RANBP2: variants seen among roughly 807,000 people sequenced by gnomAD.
RANBP2 encodes the protein E3 SUMO-protein ligase RanBP2.
A neutral mutation model predicts 303.6 loss-of-function variants in RANBP2; 57 were observed. That is an observed-to-expected ratio of 0.19 (90% CI 0.15 to 0.23). RANBP2 has a LOEUF of 0.23. Ranked by LOEUF, RANBP2 falls within the 10% of genes least tolerant of loss-of-function variation. RANBP2 has a pLI of 1.00. For synonymous variants in RANBP2, 1,167 were observed against 1,301.5 expected, an observed-to-expected ratio of 0.90 and a Z score of 2.23; for missense variants, 3,138 against 3,780.8, an observed-to-expected ratio of 0.83 and a Z score of 4.46.
chr2:109,004,380 C>A, the RANBP2 span, among the ~76,000 whole-genome samples: 1 of 152,240 alleles, frequency 6.6e-6, no homozygotes. Context: ...GCATCAGCAA[C>A]ACTCAAAAGT....
At chr2:109,600,931 TAA>T in the RANBP2 span, among the ~76,000 whole-genome samples, 6 of 152,344 alleles carry the variant, frequency 3.9e-5, no homozygotes, top group East Asian at 9.6e-4. Context: ...AACAGCCAGA[TAA>T]AGAGATACAA....
chr2:109,576,139 T>C, the RANBP2 span, among the ~76,000 whole-genome samples: 1 of 152,152 alleles, frequency 6.6e-6, no homozygotes, highest in African/African-American at 2.4e-5. Context: ...GAGGTGCCTA[T>C]AGTCCTAGCT....
chr2:108,812,755 A>AT, the RANBP2 span: 1 of 1,610,364 alleles, frequency 6.2e-7, no homozygotes, highest in Non-Finnish European at 8.5e-7. Context: ...TTTTTAGATG[A>AT]TTACCTTTGA....
At chr2:109,275,008 AC>A in the RANBP2 span, among the ~76,000 whole-genome samples, 2 of 152,352 alleles carry the variant, frequency 1.3e-5, no homozygotes, top group African/African-American at 2.4e-5. Context: ...AGTTCTAAGC[AC>A]CATTTATACT....
chr2:109,473,388 C>T, the RANBP2 span, among the ~76,000 whole-genome samples: 1 of 152,116 alleles, frequency 6.6e-6, no homozygotes, highest in South Asian at 2.1e-4. Flanking sequence ...TGCTCTGAGG[C>T]CCCCATCAGC....
the RANBP2 span, among the ~76,000 whole-genome samples, chr2:109,431,835 CACTCCAGCCTGGGT>C: frequency 1.2e-4 from 18 of 152,156 alleles, 1 homozygote; most frequent in South Asian, 3.7e-3. Context: ...TGTACCACTG[CACTCCAGCCTGGGT>C]GACAGGGTGA....
the RANBP2 span, among the ~76,000 whole-genome samples, chr2:109,083,960 G>A: frequency 6.6e-6 from 1 of 152,162 alleles, no homozygotes; most frequent in Non-Finnish European, 1.5e-5. Context: ...CTGCCAGCAT[G>A]AGTGGTCTCC....
chr2:109,614,447 C>G, the RANBP2 span: 2 of 1,194,772 alleles, frequency 1.7e-6, no homozygotes, highest in Non-Finnish European at 2.1e-6. Context: ...CGCTATGGGA[C>G]CGCGCTGAGC....
At chr2:109,081,286 T>C in the RANBP2 span, among the ~76,000 whole-genome samples, 1 of 152,202 alleles carries the variant, frequency 6.6e-6, no homozygotes, top group Non-Finnish European at 1.5e-5. Flanking sequence ...CTGTTTTCTA[T>C]TGATCGAATT....
the RANBP2 span, among the ~76,000 whole-genome samples, chr2:109,727,715 G>C: frequency 5.3e-5 from 8 of 152,258 alleles, no homozygotes; most frequent in African/African-American, 1.9e-4. Context: ...CTAACTGAAG[G>C]CTTAGTTTTT....
the RANBP2 span, among the ~76,000 whole-genome samples, chr2:109,438,587 G>A: frequency 6.6e-6 from 1 of 152,150 alleles, no homozygotes; most frequent in Non-Finnish European, 1.5e-5. Flanking sequence ...AATGATTCTT[G>A]GTTTTCACAC....
chr2:109,491,850 C>T, the RANBP2 span, among the ~76,000 whole-genome samples: 2 of 152,164 alleles, frequency 1.3e-5, no homozygotes, highest in African/African-American at 4.8e-5. Flanking sequence ...CTCCCTTGGC[C>T]GTTCGGGTGC....
chr2:109,148,144 A>G, the RANBP2 span, among the ~76,000 whole-genome samples: 1 of 152,158 alleles, frequency 6.6e-6, no homozygotes, highest in African/African-American at 2.4e-5. Context: ...GGTCTCATGC[A>G]CCCAGTATGC....
At chr2:109,163,366 A>G in the RANBP2 span, among the ~76,000 whole-genome samples, 1 of 150,280 alleles carries the variant, frequency 6.7e-6, no homozygotes, top group Non-Finnish European at 1.5e-5. Flanking sequence ...GGAGTTCTCA[A>G]TAGATTAACC....
At chr2:108,821,160 C>A in the RANBP2 span, among the ~76,000 whole-genome samples, 1 of 152,092 alleles carries the variant, frequency 6.6e-6, no homozygotes, top group Non-Finnish European at 1.5e-5. Context: ...GAGTTTGAGA[C>A]CAGCCTGGCC....
the RANBP2 span, among the ~76,000 whole-genome samples, chr2:109,138,012 G>C: frequency 6.2e-4 from 94 of 152,162 alleles, no homozygotes; most frequent in African/African-American, 2.1e-3. Context: ...CATTTATTTC[G>C]CAGATCAAAA....
At chr2:108,829,083 T>G in the RANBP2 span, among the ~76,000 whole-genome samples, 2 of 152,162 alleles carry the variant, frequency 1.3e-5, no homozygotes, top group Admixed American at 1.3e-4. Flanking sequence ...GATATTAGAT[T>G]TGGCAGTGAT....
the RANBP2 span, among the ~76,000 whole-genome samples, chr2:109,621,912 C>CAAA: frequency 1.5e-5 from 1 of 66,852 alleles, no homozygotes; most frequent in Non-Finnish European, 3.4e-5. Flanking sequence ...GACTCCATCT[C>CAAA]AAAAATAAAT....
At chr2:109,029,171 G>T in the RANBP2 span, among the ~76,000 whole-genome samples, 2 of 152,024 alleles carry the variant, frequency 1.3e-5, no homozygotes, top group Non-Finnish European at 2.9e-5. Context: ...AAGGTTTAAG[G>T]CAAGATTATT....
Sources: allele counts gnomAD v4.1 joint callset (sites outside exome capture counted in the v4.1 genomes callset), GRCh38; gene constraint gnomAD v4.1.1; transcripts MANE v1.5; gene names NCBI Gene and HGNC (gene_info 2026-07-23, HGNC 2026-07-21).